OSBPL6: variants seen among roughly 807,000 people sequenced by gnomAD.
The protein encoded by OSBPL6 is oxysterol-binding protein-related protein 6.
A neutral mutation model predicts 125.8 loss-of-function variants in OSBPL6; 49 were observed. The observed-to-expected ratio is 0.39, with a 90% confidence interval of 0.31 to 0.49. The LOEUF (loss-of-function observed/expected upper bound fraction) is 0.49, where lower values mean the gene tolerates loss of function less well. OSBPL6 is among the 20% of genes least tolerant of loss of function. The probability of loss-of-function intolerance (pLI) is 0.88; values close to 1 mark genes in which losing one functional copy is unlikely to be tolerated. For missense variants in OSBPL6, 986 were observed against 1,135.4 expected (o/e 0.87, Z 1.89); for synonymous variants, 394 against 391.8 (o/e 1.01, Z -0.07).
chr2:178,232,607 T>C (rs1437633132), intron 1 of OSBPL6, among the ~76,000 whole-genome samples: 1 of 152,230 alleles, frequency 6.6e-6, no homozygotes, highest in Non-Finnish European at 1.5e-5. Flanking sequence ...GCTGCTATTA[T>C]TATTCCTTTA....
At position 178,323,766 on chromosome 2, in the gene OSBPL6, ACTGGATTTTTTAAGGTAGAC is replaced by A. The variant is rs1184500896; in HGVS notation, c.103-408_103-389del. ...GCATGAGCCACCATGCCTGGCCGCC[ACTGGATTTTTTAAGGTAGAC>A]CTTTCTTTTTGTCTGTTGCTATTCC... On this transcript the variant is annotated intron_variant, in intron 3 of 24. Coordinates refer to ENST00000190611, the MANE Select transcript of OSBPL6 (RefSeq NM_032523.4). The A allele has an allele frequency of 2.6e-5, 4 of 152,964 alleles. No individual in the cohort carries two copies. In the East Asian group the frequency reaches 7.7e-4, roughly 29 times the overall value. 9.5% of individuals were successfully genotyped at this position (152,964 alleles called of 1,614,324 possible).
chr2:178,332,258 T>C (rs930996069), intron 6 of OSBPL6, among the ~76,000 whole-genome samples: 1 of 152,198 alleles, frequency 6.6e-6, no homozygotes, highest in African/African-American at 2.4e-5. Context: ...CCCCAGCAGC[T>C]GTCTGCCAGC....
intron 3 of OSBPL6, among the ~76,000 whole-genome samples, chr2:178,317,628 G>GAT (rs982892977): frequency 2.0e-5 from 3 of 150,984 alleles, no homozygotes; most frequent in African/African-American, 4.8e-5. Context: ...GAATGAATAT[G>GAT]ATATATATAT....
At position 178,397,789 on chromosome 2, in the gene OSBPL6, A is replaced by T. The variant is rs1238662503; in HGVS notation, c.*2230A>T. 1 of 152,272 alleles carries T rather than the reference A, an allele frequency of 6.6e-6. No homozygotes were observed. The highest frequency in any genetic ancestry group is 1.5e-5 in the Non-Finnish European group (1 of 68,060). The allele number at this position is 152,272 out of a possible 1,614,324, so 9.4% of individuals were successfully genotyped here. ...AGCAATTTGGGTTATAATTACAAAAAAGAAAAAATAGTAGAAAGGATCTTT... is the reference window on the plus strand; with the variant it reads ...AGCAATTTGGGTTATAATTACAAAATAGAAAAAATAGTAGAAAGGATCTTT... On this transcript the variant is annotated 3_prime_UTR_variant, in exon 25 of 25. Transcript: ENST00000190611.
chr2:178,285,730 C>A (rs1406214426), intron 2 of OSBPL6, among the ~76,000 whole-genome samples: 1 of 152,132 alleles, frequency 6.6e-6, no homozygotes, highest in African/African-American at 2.4e-5. Context: ...TTAGCTGCAC[C>A]CTCCCAGTTA....
At chr2:178,316,619 C>T (rs190584287) in intron 3 of OSBPL6, among the ~76,000 whole-genome samples, 7 of 152,142 alleles carry the variant, frequency 4.6e-5, no homozygotes, top group Admixed American at 3.9e-4. Context: ...ATGTAACTGC[C>T]GTGGATTGAA....
Position 178,396,567 on chromosome 2 carries a change from T to C in OSBPL6, c.*1008T>C, listed in dbSNP as rs1179422538. On this transcript the variant is annotated 3_prime_UTR_variant, in exon 25 of 25. Transcript: ENST00000190611. ...GTAATTGTTTTTGAGTGAAGCACCATGTAATCCATGTCTCAATCCCATGCC... is the reference window on the plus strand; with the variant it reads ...GTAATTGTTTTTGAGTGAAGCACCACGTAATCCATGTCTCAATCCCATGCC... 6 of 152,264 alleles carry C rather than the reference T, an allele frequency of 3.9e-5. No homozygotes were observed. Among genetic ancestry groups the C allele is most frequent in the African/African-American group, 1.4e-4 (6 of 41,472 alleles). The allele number at this position is 152,264 out of a possible 1,614,324, so 9.4% of individuals were successfully genotyped here. A position where few individuals can be genotyped will look rare whatever the true frequency, so the allele number is the denominator to read the frequency against.
chr2:178,262,594 A>G (rs1022959166), intron 1 of OSBPL6, among the ~76,000 whole-genome samples: 2 of 152,240 alleles, frequency 1.3e-5, no homozygotes, highest in Non-Finnish European at 1.5e-5. Flanking sequence ...ATTTTGAAAT[A>G]GACATCACTG....
In OSBPL6 at chr2:178,332,913, C is replaced by T; in HGVS notation, c.529C>T (p.Arg177Ter). Reference sequence around the variant, plus strand: ...GTTTGATGCATGGGTCTCCAAACTGCGACATCATCGGTTGTATCGTCAGAA... The same window carrying T: ...GTTTGATGCATGGGTCTCCAAACTGTGACATCATCGGTTGTATCGTCAGAA... Reference protein sequence around the residue: ...DWFDAWVSKLRHHRLYRQNEI... With the variant: ...DWFDAWVSKL Residue 177 changes from arginine (R) to a stop codon, truncating the protein, a stop_gained, in exon 8 of 25, where the codon CGA becomes TGA. Coordinates refer to ENST00000190611, the MANE Select transcript of OSBPL6 (RefSeq NM_032523.4). LOFTEE classifies it high-confidence loss of function. The T allele has an allele frequency of 3.1e-6, 5 of 1,613,854 alleles. No homozygotes were observed. The highest frequency in any genetic ancestry group is 1.1e-5 in the South Asian group (1 of 91,068).
At chr2:178,320,182 T>C in intron 3 of OSBPL6, 1 of 1,384,712 alleles carries the variant, frequency 7.2e-7, no homozygotes, top group East Asian at 2.5e-5. Context: ...AGTGTCTCAT[T>C]GTCTGTCTGT....
chr2:178,269,449 C>T lies in OSBPL6; in HGVS notation c.-350-15478C>T, dbSNP rs577326925. On this transcript the variant is annotated intron_variant, in intron 1 of 24. Coordinates refer to ENST00000190611, the MANE Select transcript of OSBPL6 (RefSeq NM_032523.4). ...TTGCTGGGTCATAGAGTATTGGTAC[C>T]TTTAGAAGATGTTGCCAAACATTTT... Among the ~76,000 whole-genome samples, 3 of 152,270 alleles carry T rather than the reference C, an allele frequency of 2.0e-5. No homozygotes were observed. In the South Asian group the frequency reaches 6.2e-4, roughly 32 times the overall value.
At position 178,298,496 on chromosome 2, in the gene OSBPL6, T is replaced by A. The variant is rs565707734; in HGVS notation, c.-155-7534T>A. 1.1e-4 allele frequency among the ~76,000 whole-genome samples: 16 copies of A among 152,294 alleles called. No homozygotes were observed. In the South Asian group the frequency reaches 3.3e-3, roughly 32 times the overall value. ...TGGAGTGCAGTGGCACGAGCTCAGC[T>A]CGCTGCAGCCTTCACCTCCCAGGTT... On this transcript the variant is annotated intron_variant, in intron 2 of 24. Coordinates refer to ENST00000190611, the MANE Select transcript of OSBPL6 (RefSeq NM_032523.4).
In OSBPL6 at chr2:178,383,193, C is replaced by T; in HGVS notation, c.1791C>T (p.Asn597=). The part of the protein sequence containing the change: ...SMPVELNEPL[N]TLQHLCEEME... Reference sequence around the variant, plus strand: ...CTGTGGAGCTAAACGAGCCGCTCAACACCCTGCAGCACCTCTGTGAGGAAA... The same window carrying T: ...CTGTGGAGCTAAACGAGCCGCTCAATACCCTGCAGCACCTCTGTGAGGAAA... Residue 597 remains asparagine, a synonymous_variant, in exon 17 of 25, where the codon AAC becomes AAT. Transcript: ENST00000190611. 6.2e-7 allele frequency: 1 copy of T among 1,614,206 alleles called. No individual in the cohort carries two copies. The highest frequency in any genetic ancestry group is 2.2e-5 in the East Asian group (1 of 44,878).
chr2:178,350,280 G>A (rs1369831309), intron 12 of OSBPL6, among the ~76,000 whole-genome samples: 2 of 152,152 alleles, frequency 1.3e-5, no homozygotes, highest in Non-Finnish European at 2.9e-5. Flanking sequence ...AAGAGTCTAG[G>A]CTCCCTATAC....
intron 13 of OSBPL6, among the ~76,000 whole-genome samples, chr2:178,368,804 C>CTTT (rs5836651): frequency 2.1e-5 from 3 of 146,340 alleles, no homozygotes; most frequent in Admixed American, 6.8e-5. Flanking sequence ...AAAAAAAATC[C>CTTT]TTTTTTTTTT....
At chr2:178,250,617 C>CT (rs892406776) in intron 1 of OSBPL6, among the ~76,000 whole-genome samples, 3 of 152,310 alleles carry the variant, frequency 2.0e-5, no homozygotes, top group African/African-American at 7.2e-5. Flanking sequence ...TTCCTCAGGG[C>CT]TTCTGCACCG....
At chr2:178,352,266 G>A (rs1691331254) in intron 12 of OSBPL6, among the ~76,000 whole-genome samples, 1 of 152,184 alleles carries the variant, frequency 6.6e-6, no homozygotes, top group Non-Finnish European at 1.5e-5. Flanking sequence ...CAGAGGGTGG[G>A]CCAAAGCAGG....
In OSBPL6 at chr2:178,401,014, T is replaced by C. The variant is rs1212409097; in HGVS notation, c.*5455T>C. 1 of 152,262 alleles carries C rather than the reference T, an allele frequency of 6.6e-6. No individual in the cohort carries two copies. Among genetic ancestry groups the C allele is most frequent in the Non-Finnish European group, 1.5e-5 (1 of 68,042 alleles). The allele number at this position is 152,262 out of a possible 1,614,324, so 9.4% of individuals were successfully genotyped here. On this transcript the variant is annotated 3_prime_UTR_variant, in exon 25 of 25. Transcript: ENST00000190611. Reference sequence around the variant, plus strand: ...AAAAAAATTATTTAAAAAATTTAGATTTGAAATGCTTAGAAAACAATCATT... The same window carrying C: ...AAAAAAATTATTTAAAAAATTTAGACTTGAAATGCTTAGAAAACAATCATT...
Position 178,328,367 on chromosome 2 carries a change from G to A in OSBPL6, c.307G>A (p.Gly103Ser). The A allele has an allele frequency of 6.2e-7, 1 of 1,613,304 alleles. No individual in the cohort carries two copies. Among genetic ancestry groups the A allele is most frequent in the Non-Finnish European group, 8.5e-7 (1 of 1,179,712 alleles). ...GAAGAAAAGAAAATGGCCTTTAAAAGGCTGGCACAAGGTAACATTTTTATC... is the reference window on the plus strand; with the variant it reads ...GAAGAAAAGAAAATGGCCTTTAAAAAGCTGGCACAAGGTAACATTTTTATC... ...MLKKRKWPLKGWHKRFFVLDN... is the reference protein window; with the variant it reads ...MLKKRKWPLKSWHKRFFVLDN... Residue 103 changes from glycine to serine, a missense_variant, in exon 5 of 25, where the codon GGC becomes AGC. Physicochemically the swap from Gly to Ser is moderately conservative, Grantham distance 56. Transcript: ENST00000190611.
Sources: allele counts gnomAD v4.1 joint callset (sites outside exome capture counted in the v4.1 genomes callset), GRCh38; gene constraint gnomAD v4.1.1; transcripts MANE v1.5; gene names NCBI Gene and HGNC (gene_info 2026-07-23, HGNC 2026-07-21).